The following SP140 variants were observed in gnomAD, a reference collection of about 807,000 sequenced individuals.
The protein encoded by SP140 is SP140 nuclear body protein.
Under a neutral mutation model 125.0 loss-of-function variants are expected in SP140, and 81 were observed. The ratio of observed to expected loss-of-function variants is 0.65; its 90% CI spans 0.54 to 0.78. The LOEUF (loss-of-function observed/expected upper bound fraction) is 0.78, where lower values mean the gene tolerates loss of function less well. Among genes scored for constraint, SP140 ranks in the 30% least tolerant of loss-of-function variants. SP140 has a pLI of 0.00. For missense variants in SP140, 858 were observed against 1,037.0 expected, an observed-to-expected ratio of 0.83 and a Z score of 2.37; for synonymous variants, 312 against 354.0, an observed-to-expected ratio of 0.88 and a Z score of 1.33.
chr2:230,250,910 A>C, intron 9 of SP140, 71 bp from the exon 10 acceptor site: 1 of 1,558,160 alleles, frequency 6.4e-7, no homozygotes, highest in East Asian at 2.2e-5. Context: ...CCTAGGAGAT[A>C]CTTCAGCTTC....
At chr2:230,244,222 T>C (rs571550784) in intron 5 of SP140, among the ~76,000 whole-genome samples, 34 of 152,366 alleles carry the variant, frequency 2.2e-4, no homozygotes, top group African/African-American at 7.2e-4. Flanking sequence ...ATCTAGTTAT[T>C]GTTCAAAGAA....
chr2:230,277,768 A>G (rs1286565068), intron 15 of SP140, among the ~76,000 whole-genome samples: 1 of 152,172 alleles, frequency 6.6e-6, no homozygotes, highest in Non-Finnish European at 1.5e-5. Flanking sequence ...TGAGATGGTA[A>G]TTAAGAGATA....
At chr2:230,271,750 T>C (rs1010965395) in intron 15 of SP140, among the ~76,000 whole-genome samples, 1 of 152,058 alleles carries the variant, frequency 6.6e-6, no homozygotes, top group Non-Finnish European at 1.5e-5. Context: ...ATTTAGAAAA[T>C]TCCCAGCCTA....
At chr2:230,240,865 C>A (rs571106785) in intron 3 of SP140, among the ~76,000 whole-genome samples, 1 of 152,294 alleles carries the variant, frequency 6.6e-6, no homozygotes, top group South Asian at 2.1e-4. Flanking sequence ...ATGTTTATGG[C>A]AGCCTTATTC....
intron 12 of SP140, among the ~76,000 whole-genome samples, chr2:230,258,677 C>T (rs2051667275): frequency 6.6e-6 from 1 of 152,178 alleles, no homozygotes; most frequent in South Asian, 2.1e-4. Flanking sequence ...GAAAACGTGG[C>T]TTTCCCACAT....
chr2:230,224,796 A>G (rs1399323217), upstream of SP140, among the ~76,000 whole-genome samples: 5 of 152,192 alleles, frequency 3.3e-5, no homozygotes, highest in Admixed American at 2.0e-4. Context: ...CTGTTCTGTC[A>G]CTGGCCCTGG....
downstream of SP140, among the ~76,000 whole-genome samples, chr2:230,316,179 C>G (rs1020130838): frequency 6.6e-6 from 1 of 152,164 alleles, no homozygotes; most frequent in Non-Finnish European, 1.5e-5. Flanking sequence ...GAAATATAGA[C>G]TATTCTGAAT....
At chr2:230,285,663 C>A (rs997518415) in intron 16 of SP140, 89 bp from the exon 17 acceptor site, 26 of 1,103,102 alleles carry the variant, frequency 2.4e-5, no homozygotes, top group Non-Finnish European at 3.3e-5. Context: ...CAGAATGAGA[C>A]CCAGGACTCC....
At chr2:230,198,736 A>G (rs1297996901), upstream of SP140, among the ~76,000 whole-genome samples, 1 of 152,090 alleles carries the variant, frequency 6.6e-6, no homozygotes, top group Non-Finnish European at 1.5e-5. Flanking sequence ...CTGGGATTAC[A>G]GGTGCACACC....
intron 15 of SP140, among the ~76,000 whole-genome samples, chr2:230,271,900 G>C (rs1187241999): frequency 6.6e-6 from 1 of 152,174 alleles, no homozygotes; most frequent in Non-Finnish European, 1.5e-5. Flanking sequence ...GTTATTTGAA[G>C]AGACGTAGCA....
At chr2:230,209,748 T>C (rs2044263538) in intron 1 of SP140, among the ~76,000 whole-genome samples, 1 of 152,224 alleles carries the variant, frequency 6.6e-6, no homozygotes, top group Non-Finnish European at 1.5e-5. Context: ...GCCTTCTGGT[T>C]TCCTGATAAT....
chr2:230,306,741 G>A (rs139292583), intron 22 of SP140, among the ~76,000 whole-genome samples: 5 of 152,352 alleles, frequency 3.3e-5, no homozygotes, highest in Non-Finnish European at 2.9e-5. Flanking sequence ...GGGTGCTGAC[G>A]ATCATAGGAG....
intron 4 of SP140, among the ~76,000 whole-genome samples, chr2:230,242,894 T>C (rs189954785): frequency 1.0e-3 from 152 of 152,278 alleles, no homozygotes; most frequent in African/African-American, 3.2e-3. Context: ...TTTGCTCATC[T>C]CCTCCCTCTA....
intron 12 of SP140, among the ~76,000 whole-genome samples, chr2:230,257,833 G>C (rs147616410): frequency 2.6e-5 from 4 of 152,062 alleles, no homozygotes; most frequent in African/African-American, 9.7e-5. Context: ...TTATTGTTCA[G>C]TTAAGGGATA....
chr2:230,257,171 A>G (rs1274444798), intron 12 of SP140, among the ~76,000 whole-genome samples: 1 of 152,112 alleles, frequency 6.6e-6, no homozygotes, highest in African/African-American at 2.4e-5. Context: ...AAGAGACTCT[A>G]CCAGGGTTCA....
intron 3 of SP140, 66 bp downstream of exon 3, chr2:230,238,447 C>A (rs980136290): frequency 1.6e-5 from 23 of 1,431,354 alleles, no homozygotes; most frequent in Non-Finnish European, 2.9e-6. Flanking sequence ...CATTCATTCA[C>A]TCTTCATTCA....
At position 230,248,082 on chromosome 2, in the gene SP140, C is replaced by T. The variant is rs2049767554; in HGVS notation, c.892+17C>T. The T allele has an allele frequency of 6.2e-7, 1 of 1,611,562 alleles. No individual in the cohort carries two copies. On this transcript the variant is annotated intron_variant, in intron 8 of 26. Transcript: ENST00000392045. The stretch of plus-strand genomic sequence containing the variant: ...GAGACAAAGGTAGGAACAGAAGAAG[C>T]AGAGACATGTGTCAAGGGTGAAAAT...
At chr2:230,255,760 A>G (rs376001887) in intron 12 of SP140, among the ~76,000 whole-genome samples, 1 of 152,324 alleles carries the variant, frequency 6.6e-6, no homozygotes, top group Admixed American at 6.5e-5. Context: ...TTGTTTGAAC[A>G]TATGTGTTCA....
chr2:230,255,357 T>C (rs2051003391), intron 11 of SP140, 95 bp from the exon 12 acceptor site: 1 of 1,427,062 alleles, frequency 7.0e-7, no homozygotes, highest in Non-Finnish European at 9.8e-7. Context: ...ACCTGAGAGA[T>C]ACTTCAGCTT....
Sources: allele counts gnomAD v4.1 joint callset (sites outside exome capture counted in the v4.1 genomes callset), GRCh38; gene constraint gnomAD v4.1.1; transcripts MANE v1.5; gene names NCBI Gene and HGNC (gene_info 2026-07-23, HGNC 2026-07-21).